The following ST8SIA6 variants were observed in gnomAD, a reference collection of about 807,000 sequenced individuals.
ST8SIA6 encodes alpha-2,8-sialyltransferase 8F.
Under a neutral mutation model 33.6 loss-of-function variants are expected in ST8SIA6, and 39 were observed. That is an observed-to-expected ratio of 1.16 (90% CI 0.90 to 1.52). The LOEUF (loss-of-function observed/expected upper bound fraction) is 1.52. ST8SIA6 is among the 40% of genes most tolerant of loss of function. The pLI is 0.00. For synonymous variants in ST8SIA6, 172 were observed against 167.2 expected, an observed-to-expected ratio of 1.03 and a Z score of -0.22; for missense variants, 441 against 443.8, an observed-to-expected ratio of 0.99 and a Z score of 0.06.
chr10:17,345,762 G>T (rs140065402), intron 4 of ST8SIA6, among the ~76,000 whole-genome samples: 219 of 152,270 alleles, frequency 1.4e-3, no homozygotes, highest in African/African-American at 5.0e-3. Context: ...TGACACATGG[G>T]ATATGCATTT....
intron 2 of ST8SIA6, chr10:17,408,063 T>G (rs752752495): frequency 2.0e-5 from 3 of 152,622 alleles, no homozygotes; most frequent in Non-Finnish European, 4.4e-5. Context: ...CATGGTTCAG[T>G]CTTCCAGGAG....
chr10:17,320,895 T>C lies in ST8SIA6; in HGVS notation c.1180A>G (p.Lys394Glu), dbSNP rs1192116679. 4 of 1,613,982 alleles carry C rather than the reference T, an allele frequency of 2.5e-6. No individual in the cohort carries two copies. Among genetic ancestry groups the C allele is most frequent in the Non-Finnish European group, 3.4e-6 (4 of 1,179,870 alleles). ...TACTTTGTTTAGGCGACTTCACATT[T>C]GCTAAATTGCAGTTTGAGGATTCCT... ...MKGILKLQFS[K>E]CEVA The change falls in exon 8 of 8, where the codon AAA (lysine) becomes GAA (glutamate). Residue 394 changes from lysine to glutamate, a missense_variant. Lys to Glu is a moderately conservative substitution (Grantham distance 56). Transcript: ENST00000377602.
At chr10:17,382,635 C>T (rs1229200805) in intron 3 of ST8SIA6, among the ~76,000 whole-genome samples, 2 of 152,146 alleles carry the variant, frequency 1.3e-5, no homozygotes, top group Non-Finnish European at 2.9e-5. Context: ...TTGAAAAGGA[C>T]ATCAAGTCCT....
chr10:17,436,415 A>G (rs950290277), intron 2 of ST8SIA6, among the ~76,000 whole-genome samples: 9 of 152,064 alleles, frequency 5.9e-5, no homozygotes, highest in Non-Finnish European at 1.0e-4. Context: ...GTACATGTGC[A>G]CAACGTGCAG....
rs911203769 is a variant in ST8SIA6, at chr10:17,390,634, G to C, written c.201-14C>G. On this transcript the variant is annotated splice_polypyrimidine_tract_variant and intron_variant, in intron 2 of 7. Coordinates refer to ENST00000377602, the MANE Select transcript of ST8SIA6 (RefSeq NM_001004470.3). ...TTCAGATATGTGCTGTTTCATGAAA[G>C]AGATTTTTAAAAAGATTGATTTAAA... 10 of 1,594,418 alleles carry C rather than the reference G, an allele frequency of 6.3e-6. No individual in the cohort carries two copies. The highest frequency in any genetic ancestry group is 1.8e-5 in the Admixed American group (1 of 56,222).
intron 4 of ST8SIA6, among the ~76,000 whole-genome samples, chr10:17,352,046 TA>T (rs1013785187): frequency 2.5e-4 from 35 of 140,718 alleles, no homozygotes; most frequent in East Asian, 5.2e-4. Flanking sequence ...ATGTTCTCAC[TA>T]AAAAAAAAAA....
At chr10:17,371,783 TAAA>T (rs747851635) in intron 3 of ST8SIA6, among the ~76,000 whole-genome samples, 5 of 98,540 alleles carry the variant, frequency 5.1e-5, no homozygotes, top group Admixed American at 2.3e-4. Flanking sequence ...AAGACTCCAT[TAAA>T]AAAAAAAAAA....
At chr10:17,322,431 G>A (rs1217445263) in intron 7 of ST8SIA6, among the ~76,000 whole-genome samples, 1 of 152,024 alleles carries the variant, frequency 6.6e-6, no homozygotes, top group East Asian at 1.9e-4. Flanking sequence ...ATAATCGTGA[G>A]TGTTTAGAAA....
chr10:17,428,193 T>G (rs544352478), intron 2 of ST8SIA6, among the ~76,000 whole-genome samples: 6 of 152,320 alleles, frequency 3.9e-5, no homozygotes, highest in African/African-American at 1.4e-4. Context: ...ATTCCATAGG[T>G]TGCTTTGATG....
At chr10:17,339,588 C>T (rs1848608887) in intron 4 of ST8SIA6, among the ~76,000 whole-genome samples, 1 of 152,192 alleles carries the variant, frequency 6.6e-6, no homozygotes, top group Non-Finnish European at 1.5e-5. Flanking sequence ...GGCCAACAAT[C>T]CAGCACTTGC....
At chr10:17,380,899 G>T (rs2131643766) in intron 3 of ST8SIA6, among the ~76,000 whole-genome samples, 1 of 142,544 alleles carries the variant, frequency 7.0e-6, no homozygotes, top group Non-Finnish European at 1.5e-5. Flanking sequence ...GTATGCATAT[G>T]TGTATATGTG....
At chr10:17,420,376 C>T (rs540930465) in intron 2 of ST8SIA6, among the ~76,000 whole-genome samples, 2 of 152,236 alleles carry the variant, frequency 1.3e-5, no homozygotes, top group South Asian at 4.2e-4. Context: ...CACGCCACTG[C>T]ACTCCAGCCT....
chr10:17,401,426 A>G (rs1159097719), intron 2 of ST8SIA6, among the ~76,000 whole-genome samples: 2 of 152,240 alleles, frequency 1.3e-5, no homozygotes, highest in Non-Finnish European at 2.9e-5. Context: ...ATTGGAAAGA[A>G]CTACTTTAAA....
chr10:17,338,612 T>C (rs1848577404), intron 4 of ST8SIA6, among the ~76,000 whole-genome samples: 1 of 152,206 alleles, frequency 6.6e-6, no homozygotes, highest in African/African-American at 2.4e-5. Context: ...AAGGCTATCA[T>C]ACAATGTACA....
intron 2 of ST8SIA6, among the ~76,000 whole-genome samples, chr10:17,418,712 G>C (rs1851676570): frequency 6.6e-6 from 1 of 152,206 alleles, no homozygotes; most frequent in Non-Finnish European, 1.5e-5. Context: ...AGTCAAGCTA[G>C]CTGGGCGCGA....
chr10:17,327,776 G>C (rs566220149), intron 5 of ST8SIA6, among the ~76,000 whole-genome samples: 14 of 151,952 alleles, frequency 9.2e-5, no homozygotes, highest in Non-Finnish European at 1.6e-4. Flanking sequence ...GTTTGGTGAA[G>C]AGCGCCAGTA....
rs1407078648 is a variant in ST8SIA6, at chr10:17,374,743, T to TA, written c.291-15144dup. On this transcript the variant is annotated intron_variant, in intron 3 of 7. Transcript: ENST00000377602. ...ATAAATAAATAAATAAATAAATAAA[T>TA]AAATAATAAATATATATATATATAT... Among the ~76,000 whole-genome samples, 160 of 69,820 alleles carry TA rather than the reference T, an allele frequency of 2.3e-3. 4 individuals are homozygous for TA. The South Asian group carries it at 0.041, about 18-fold the overall frequency. 45.8% of individuals were successfully genotyped at this position (69,820 alleles called of 152,430 possible).
At chr10:17,376,529 A>C (rs554574723) in intron 3 of ST8SIA6, among the ~76,000 whole-genome samples, 4 of 152,212 alleles carry the variant, frequency 2.6e-5, no homozygotes, top group Non-Finnish European at 5.9e-5. Context: ...GAAAAACCCA[A>C]GAAAAGGAAA....
chr10:17,390,822 G>A (rs958212653), intron 2 of ST8SIA6, among the ~76,000 whole-genome samples: 16 of 138,656 alleles, frequency 1.2e-4, no homozygotes, highest in Admixed American at 9.9e-4. Context: ...AAAAACTTAC[G>A]CTGTAAAGTC....
Sources: gnomAD v4.1 joint callset for allele counts (sites outside exome capture counted in the v4.1 genomes callset) on GRCh38, gnomAD v4.1.1 for gene constraint, MANE v1.5 for transcripts, NCBI Gene and HGNC (gene_info 2026-07-23, HGNC 2026-07-21) for gene names.